ARHGAP18: variants seen among roughly 807,000 people sequenced by gnomAD.
ARHGAP18 encodes Rho GTPase activating protein 18, also known as rho GTPase-activating protein 18.
Under a neutral mutation model 86.2 loss-of-function variants are expected in ARHGAP18, and 67 were observed. That is an observed-to-expected ratio of 0.78 (90% CI 0.64 to 0.95). The LOEUF (loss-of-function observed/expected upper bound fraction) is 0.95, where lower values mean the gene tolerates loss of function less well. ARHGAP18 is among the 40% of genes least tolerant of loss of function. ARHGAP18 has a pLI of 0.00. For synonymous variants in ARHGAP18, 283 were observed against 280.4 expected (o/e 1.01, Z -0.09); for missense variants, 691 against 780.4 (o/e 0.89, Z 1.37).
intron 1 of ARHGAP18, among the ~76,000 whole-genome samples, chr6:129,664,733 G>A (rs1020097419): frequency 6.6e-6 from 1 of 152,130 alleles, no homozygotes; most frequent in African/African-American, 2.4e-5. Context: ...AACAGTCCGT[G>A]GTCTGATGAA....
chr6:129,593,474 AC>A (rs1788558153), intron 12 of ARHGAP18, among the ~76,000 whole-genome samples: 1 of 152,072 alleles, frequency 6.6e-6, no homozygotes, highest in South Asian at 2.1e-4. Flanking sequence ...AAATAAACAA[AC>A]CTTTAAAAAA....
chr6:129,676,913 CTCTTTTTTTTTTTTTTTTT>C (rs1774244211), intron 1 of ARHGAP18, among the ~76,000 whole-genome samples: 2 of 34,566 alleles, frequency 5.8e-5, no homozygotes, highest in Non-Finnish European at 1.3e-4. Context: ...ATTTTTTGTC[CTCTTTTTTTTTTTTTTTTT>C]TTTTTTTTTT....
intron 5 of ARHGAP18, 105 bp from the exon 6 acceptor site, chr6:129,618,957 T>A: frequency 9.7e-7 from 1 of 1,034,808 alleles, no homozygotes; most frequent in Non-Finnish European, 1.4e-6. Context: ...TCAGAATAAG[T>A]GATAAGAAAA....
rs376500003 is a variant in ARHGAP18 at position 129,667,469 on chromosome 6, A to ATGTGTGTGTGTGTGTGTGTG, written c.114-25471_114-25452dup. The stretch of plus-strand genomic sequence containing the variant: ...GGTCTATATCAAAAGAAAAATATAT[A>ATGTGTGTGTGTGTGTGTGTG]TGTGTGTGTGTGTGTGTGTGTGTGT... On this transcript the variant is annotated intron_variant, in intron 1 of 14. Coordinates refer to ENST00000368149, the MANE Select transcript of ARHGAP18 (RefSeq NM_033515.3). Among the ~76,000 whole-genome samples the ATGTGTGTGTGTGTGTGTGTG allele has an allele frequency of 3.8e-5, 4 of 104,238 alleles. No individual in the cohort carries two copies. In the East Asian group the frequency reaches 8.6e-4, roughly 23 times the overall value. The allele number at this position is 104,238 out of a possible 152,430, so 68.4% of individuals were successfully genotyped here. A position where few individuals can be genotyped will look rare whatever the true frequency, so the allele number is the denominator to read the frequency against.
At chr6:129,612,871 C>G (rs1031065071) in intron 7 of ARHGAP18, among the ~76,000 whole-genome samples, 1 of 152,050 alleles carries the variant, frequency 6.6e-6, no homozygotes, top group African/African-American at 2.4e-5. Context: ...CAAAATTCTC[C>G]TAAGGATTTA....
chr6:129,638,680 T>C, intron 2 of ARHGAP18, 51 bp from the exon 3 acceptor site: 2 of 1,521,504 alleles, frequency 1.3e-6, no homozygotes, highest in Non-Finnish European at 1.8e-6. Flanking sequence ...TAACAACCTT[T>C]ACATTTTTTA....
chr6:129,612,397 G>A (rs1040309591), intron 7 of ARHGAP18, among the ~76,000 whole-genome samples: 1 of 152,130 alleles, frequency 6.6e-6, no homozygotes, highest in African/African-American at 2.4e-5. Flanking sequence ...TTGAATATAA[G>A]GCATTTCCTA....
chr6:129,628,967 GAAAAA>G (rs1468422784), intron 5 of ARHGAP18, among the ~76,000 whole-genome samples: 2 of 152,050 alleles, frequency 1.3e-5, no homozygotes, highest in East Asian at 1.9e-4. Context: ...ATATAGAAAA[GAAAAA>G]GAGGTTATAA....
rs184254942 is a variant in ARHGAP18, at chr6:129,667,409, A to G, written c.114-25391T>C. ...TGCACAAAGCATTCAAAAATTTAAT[A>G]TAATCAAAATCTATAATGAGTCAGG... On this transcript the variant is annotated intron_variant, in intron 1 of 14. Coordinates refer to ENST00000368149, the MANE Select transcript of ARHGAP18 (RefSeq NM_033515.3). Among the ~76,000 whole-genome samples, 6 of 151,894 alleles carry G rather than the reference A, an allele frequency of 4.0e-5. No homozygotes were observed. The East Asian group carries it at 9.7e-4, about 25-fold the overall frequency.
intron 1 of ARHGAP18, among the ~76,000 whole-genome samples, chr6:129,676,913 C>CTTTTT (rs1562721123): frequency 2.9e-5 from 1 of 34,566 alleles, no homozygotes; most frequent in African/African-American, 8.5e-5. Context: ...ATTTTTTGTC[C>CTTTTT]TCTTTTTTTT....
intron 1 of ARHGAP18, among the ~76,000 whole-genome samples, chr6:129,673,086 T>C (rs901303664): frequency 3.3e-5 from 5 of 152,224 alleles, no homozygotes; most frequent in African/African-American, 1.2e-4. Context: ...TTTCATAGCA[T>C]TTACAGACCT....
chr6:129,590,849 G>A (rs866055044), intron 12 of ARHGAP18, among the ~76,000 whole-genome samples: 6 of 152,116 alleles, frequency 3.9e-5, no homozygotes, highest in Middle Eastern at 3.2e-3. Context: ...TTCTCAGCTT[G>A]TTTATTTCTG....
At chr6:129,694,009 C>A (rs539949724) in intron 1 of ARHGAP18, among the ~76,000 whole-genome samples, 1 of 152,268 alleles carries the variant, frequency 6.6e-6, no homozygotes, top group South Asian at 2.1e-4. Context: ...TAGTAAATAG[C>A]ATCTTGGCGC....
chr6:129,606,369 G>T (rs1788853970), intron 9 of ARHGAP18, among the ~76,000 whole-genome samples: 2 of 152,290 alleles, frequency 1.3e-5, no homozygotes, highest in Middle Eastern at 3.4e-3. Flanking sequence ...CAAATGCATG[G>T]TAAGAGTCCA....
At chr6:129,627,445 C>G (rs960727425) in intron 5 of ARHGAP18, among the ~76,000 whole-genome samples, 1 of 151,816 alleles carries the variant, frequency 6.6e-6, no homozygotes, top group Non-Finnish European at 1.5e-5. Context: ...ACATATCTGA[C>G]GTAGTCTTGA....
chr6:129,644,906 T>A (rs1773547556), intron 1 of ARHGAP18, among the ~76,000 whole-genome samples: 1 of 152,232 alleles, frequency 6.6e-6, no homozygotes, highest in Non-Finnish European at 1.5e-5. Context: ...TGCTGATGAA[T>A]TGACTCAATA....
At chr6:129,667,810 G>T (rs1774070766) in intron 1 of ARHGAP18, among the ~76,000 whole-genome samples, 1 of 152,070 alleles carries the variant, frequency 6.6e-6, no homozygotes, top group Non-Finnish European at 1.5e-5. Flanking sequence ...GAGGAGGAAG[G>T]TTACTGAGCA....
chr6:129,659,439 A>G (rs1773904803), intron 1 of ARHGAP18, among the ~76,000 whole-genome samples: 1 of 151,100 alleles, frequency 6.6e-6, no homozygotes, highest in South Asian at 2.1e-4. Context: ...ACTTCAGACA[A>G]GATAGGCCTA....
At chr6:129,698,762 G>A (rs960210720) in intron 1 of ARHGAP18, among the ~76,000 whole-genome samples, 5 of 147,904 alleles carry the variant, frequency 3.4e-5, no homozygotes, top group Admixed American at 6.8e-5. Flanking sequence ...TGGCAATCTC[G>A]GCTCACTGCA....
Sources: allele counts gnomAD v4.1 joint callset (sites outside exome capture counted in the v4.1 genomes callset), GRCh38; gene constraint gnomAD v4.1.1; transcripts MANE v1.5; gene names NCBI Gene and HGNC (gene_info 2026-07-23, HGNC 2026-07-21).